COL22A1: variants seen among roughly 807,000 people sequenced by gnomAD.
The protein encoded by COL22A1 is collagen type XXII alpha 1 chain.
In COL22A1, 221 loss-of-function variants were observed where a neutral mutation model predicts 248.9. The observed-to-expected ratio is 0.89, with a 90% CI of 0.80 to 0.99. The LOEUF (loss-of-function observed/expected upper bound fraction) is 0.99. Among genes scored for constraint, COL22A1 ranks in the 50% least tolerant of loss-of-function variants. The pLI, the probability that COL22A1 is intolerant of heterozygous loss-of-function variation, is 0.00. For synonymous variants in COL22A1, 891 were observed against 793.4 expected (o/e 1.12, Z -2.07); for missense variants, 2,240 against 2,179.0 (o/e 1.03, Z -0.56).
intron 23 of COL22A1, among the ~76,000 whole-genome samples, chr8:138,728,051 G>T (rs1222619481): frequency 6.6e-6 from 1 of 152,074 alleles, no homozygotes; most frequent in Admixed American, 6.5e-5. Flanking sequence ...TTTGTTTTTT[G>T]AGATAGGGTC....
At chr8:138,884,791 T>C (rs1439269416) in intron 1 of COL22A1, among the ~76,000 whole-genome samples, 1 of 152,184 alleles carries the variant, frequency 6.6e-6, no homozygotes, top group African/African-American at 2.4e-5. Flanking sequence ...CTCATGGGTG[T>C]CTGTGTGTAT....
chr8:138,900,360 C>G (rs1419798257), intron 1 of COL22A1, among the ~76,000 whole-genome samples: 1 of 152,180 alleles, frequency 6.6e-6, no homozygotes, highest in Non-Finnish European at 1.5e-5. Context: ...TCAGACATCC[C>G]AGTGATTTCA....
chr8:138,877,167 G>A (rs1011764788), intron 3 of COL22A1, among the ~76,000 whole-genome samples: 2 of 152,084 alleles, frequency 1.3e-5, no homozygotes, highest in Non-Finnish European at 2.9e-5. Flanking sequence ...AGAGGCCTTG[G>A]GTTATCTCAG....
At chr8:138,794,131 A>G (rs986165398) in intron 12 of COL22A1, among the ~76,000 whole-genome samples, 1 of 152,190 alleles carries the variant, frequency 6.6e-6, no homozygotes, top group East Asian at 1.9e-4. Context: ...TCACGCCTGT[A>G]ATCTCAACAC....
intron 16 of COL22A1, among the ~76,000 whole-genome samples, chr8:138,770,331 C>T (rs774445126): frequency 6.6e-6 from 1 of 152,168 alleles, no homozygotes; most frequent in Non-Finnish European, 1.5e-5. Context: ...GCTGGATTCA[C>T]CTTATGATTT....
chr8:138,853,145 A>G (rs746784142), intron 3 of COL22A1, among the ~76,000 whole-genome samples: 21 of 152,164 alleles, frequency 1.4e-4, no homozygotes, highest in South Asian at 2.1e-4. Context: ...ACTGCACTCC[A>G]GCCTGGGTGA....
At chr8:138,855,910 C>A (rs906311875) in intron 3 of COL22A1, among the ~76,000 whole-genome samples, 1 of 152,196 alleles carries the variant, frequency 6.6e-6, no homozygotes, top group African/African-American at 2.4e-5. Flanking sequence ...TCTGCCCTGG[C>A]CTTCCCTGCT....
In COL22A1 at chr8:138,589,356, G is replaced by T; in HGVS notation, c.4778C>A (p.Pro1593His). 3.1e-6 allele frequency: 5 copies of T among 1,611,434 alleles called. No homozygotes were observed. The highest frequency in any genetic ancestry group is 4.2e-6 in the Non-Finnish European group (5 of 1,178,748). ...GGGACCGGGAGGTCCTGGGAGGCCA[G>T]GATGTCCAGCTGGTCCTGTCTCCCC... ...PQGETGPAGH[P>H]GLPGPPGPPG... Residue 1593 changes from proline to histidine, a missense_variant, in exon 65 of 65, where the codon CCT becomes CAT. By Grantham distance (77) the Pro-to-His change is moderately conservative. Transcript: ENST00000303045.
chr8:138,660,380 C>G, intron 44 of COL22A1, 56 bp downstream of exon 44: 1 of 1,516,400 alleles, frequency 6.6e-7, no homozygotes, highest in Non-Finnish European at 9.1e-7. Flanking sequence ...CATTTTTTCT[C>G]TTGCTTACGC....
chr8:138,776,477 TG>T (rs1340397439), intron 15 of COL22A1, among the ~76,000 whole-genome samples: 2 of 152,180 alleles, frequency 1.3e-5, no homozygotes, highest in Non-Finnish European at 2.9e-5. Context: ...GGTCACTGTC[TG>T]TCCCCATTGC....
intron 22 of COL22A1, among the ~76,000 whole-genome samples, chr8:138,748,916 C>T (rs1327071720): frequency 6.6e-6 from 1 of 152,172 alleles, no homozygotes; most frequent in Non-Finnish European, 1.5e-5. Flanking sequence ...CCCATAATTC[C>T]CACGTGTTGT....
intron 57 of COL22A1, among the ~76,000 whole-genome samples, 189 bp from the exon 58 acceptor site, chr8:138,606,641 G>A (rs1040119164): frequency 6.6e-6 from 1 of 152,112 alleles, no homozygotes; most frequent in African/African-American, 2.4e-5. Flanking sequence ...TGCTGTCACA[G>A]CCAGGGGAAG....
At chr8:138,745,489 T>G (rs183939742) in intron 22 of COL22A1, among the ~76,000 whole-genome samples, 49 of 152,338 alleles carry the variant, frequency 3.2e-4, no homozygotes, top group Admixed American at 3.2e-3. Context: ...CCTATTGTAT[T>G]TATAACTATG....
chr8:138,672,006 T>C (rs909441974), intron 41 of COL22A1, among the ~76,000 whole-genome samples: 1 of 152,194 alleles, frequency 6.6e-6, no homozygotes, highest in Non-Finnish European at 1.5e-5. Context: ...AATACTGGGA[T>C]AGTCAAAAGT....
chr8:138,689,101 A>G, intron 36 of COL22A1, 131 bp from the exon 37 acceptor site: 1 of 693,186 alleles, frequency 1.4e-6, no homozygotes, highest in South Asian at 1.7e-5. Flanking sequence ...CAATTCCCAT[A>G]CTTTATTTAA....
chr8:138,897,789 AAAC>A (rs1414927118), intron 1 of COL22A1, among the ~76,000 whole-genome samples: 1 of 151,860 alleles, frequency 6.6e-6, no homozygotes, highest in Admixed American at 6.6e-5. Flanking sequence ...TCATTCTGAA[AAAC>A]AACAACAGAA....
chr8:138,596,800 C>G (rs1387564706), intron 62 of COL22A1, 104 bp downstream of exon 62: 4 of 1,035,872 alleles, frequency 3.9e-6, no homozygotes, highest in Admixed American at 3.7e-5. Flanking sequence ...AGCTGCCGGT[C>G]AAGTGCTTTT....
In COL22A1 at chr8:138,594,201, T is replaced by C. The variant is rs765161418; in HGVS notation, c.4433-2A>G. On this transcript the variant is annotated splice_acceptor_variant, in intron 62 of 64. Coordinates refer to ENST00000303045, the MANE Select transcript of COL22A1 (RefSeq NM_152888.3). LOFTEE classifies it high-confidence loss of function. Reference sequence around the variant, plus strand: ...GGGCCAGGAGGTAGGCGAGTCTGGCTGTAAAGTAGAAAAAGAGAGGCATTT... The same window carrying C: ...GGGCCAGGAGGTAGGCGAGTCTGGCCGTAAAGTAGAAAAAGAGAGGCATTT... 2 of 1,566,780 alleles carry C rather than the reference T, an allele frequency of 1.3e-6. No individual in the cohort carries two copies. Among genetic ancestry groups the C allele is most frequent in the Non-Finnish European group, 1.7e-6 (2 of 1,162,880 alleles).
At chr8:138,592,305 C>T (rs752285358) in intron 63 of COL22A1, among the ~76,000 whole-genome samples, 3 of 152,168 alleles carry the variant, frequency 2.0e-5, no homozygotes, top group Non-Finnish European at 4.4e-5. Context: ...TTAAATCAAT[C>T]ACTTGTTTTG....
Sources: gnomAD v4.1 joint callset for allele counts (sites outside exome capture counted in the v4.1 genomes callset) on GRCh38, gnomAD v4.1.1 for gene constraint, MANE v1.5 for transcripts, NCBI Gene and HGNC (gene_info 2026-07-23, HGNC 2026-07-21) for gene names.